The following ZC3H4 variants were observed in gnomAD, a reference collection of about 807,000 sequenced individuals.
ZC3H4 encodes the protein zinc finger CCCH-type containing 4.
Under a neutral mutation model 108.3 loss-of-function variants are expected in ZC3H4, and 13 were observed. That is an observed-to-expected ratio of 0.12 (90% CI 0.08 to 0.19). The LOEUF (loss-of-function observed/expected upper bound fraction) is 0.19, where lower values mean the gene tolerates loss of function less well. Ranked by LOEUF, ZC3H4 falls within the 10% of genes least tolerant of loss-of-function variation. The probability of loss-of-function intolerance (pLI) is 1.00; values close to 1 mark genes in which losing one functional copy is unlikely to be tolerated. For missense variants in ZC3H4, 1,734 were observed against 1,838.8 expected (o/e 0.94, Z 1.04); for synonymous variants, 917 against 749.6 (o/e 1.22, Z -3.65).
Position 47,067,582 on chromosome 19 carries a change from G to A in ZC3H4, c.2686C>T (p.Leu896=), listed in dbSNP as rs749769173. The change falls in exon 15 of 15, where the codon CTG becomes TTG. Residue 896 remains leucine (L), a synonymous_variant. Transcript: ENST00000253048. The surrounding 1 kb of genome is among the most constrained non-coding windows in gnomAD (Gnocchi z 6.4). ...CTGCCTTCGGGCTTGGAGGTGGGCA[G>A]GGCGCGAGCCAGCCGAGGATCGGAG... ...GPSDPRLARA[L]PTSKPEGSLH... 15 of 1,603,944 alleles carry A rather than the reference G, an allele frequency of 9.4e-6. No homozygotes were observed. In the East Asian group the frequency reaches 1.1e-4, roughly 12 times the overall value.
At chr19:47,078,402 T>C (rs1469920640) in intron 11 of ZC3H4, among the ~76,000 whole-genome samples, 2 of 151,418 alleles carry the variant, frequency 1.3e-5, no homozygotes, top group African/African-American at 2.4e-5. Context: ...GAGAATCGCT[T>C]GAACCCAGGA....
chr19:47,097,888 G>T (rs550383749), intron 2 of ZC3H4, among the ~76,000 whole-genome samples: 14 of 152,262 alleles, frequency 9.2e-5, no homozygotes, highest in African/African-American at 3.4e-4. Context: ...GATTGGCAAC[G>T]CCTGACATGG....
At chr19:47,109,307 A>T (rs1233751469) in intron 2 of ZC3H4, among the ~76,000 whole-genome samples, 1 of 152,210 alleles carries the variant, frequency 6.6e-6, no homozygotes, top group African/African-American at 2.4e-5. Context: ...GAGCTTTTTA[A>T]ATGCTTGGGG....
At chr19:47,086,593 A>G (rs1334424245) in intron 5 of ZC3H4, 55 bp from the exon 6 acceptor site, 24 of 1,513,900 alleles carry the variant, frequency 1.6e-5, no homozygotes, top group Non-Finnish European at 1.6e-5. Flanking sequence ...CACCAGCAAG[A>G]AAGAAGACAA....
Position 47,090,007 on chromosome 19 carries a change from G to T in ZC3H4, c.675C>A (p.Asn225Lys). The change falls in exon 5 of 15, where the codon AAC (asparagine) becomes AAA (lysine). Residue 225 changes from asparagine (N) to lysine (K), a missense_variant. By Grantham distance (94) the Asn-to-Lys change is moderately conservative. Around this residue, in one of 9 missense-constraint regions of ZC3H4, gnomAD observed 403 missense variants for 457.0 expected, o/e 0.88. Coordinates refer to ENST00000253048, the MANE Select transcript of ZC3H4 (RefSeq NM_015168.2). Reference sequence around the variant, plus strand: ...TGCCCTCCTTGGCACGCCGGTACTGGTTCAGCTCTTTGGTGAAGTCGTCAT... The same window carrying T: ...TGCCCTCCTTGGCACGCCGGTACTGTTTCAGCTCTTTGGTGAAGTCGTCAT... ...EDYDDFTKEL[N>K]QYRRAKEGSS... The T allele has an allele frequency of 6.2e-7, 1 of 1,614,210 alleles. No individual in the cohort carries two copies. Among genetic ancestry groups the T allele is most frequent in the Non-Finnish European group, 8.5e-7 (1 of 1,180,028 alleles).
At chr19:47,098,748 A>C (rs2057861785) in intron 2 of ZC3H4, among the ~76,000 whole-genome samples, 1 of 152,130 alleles carries the variant, frequency 6.6e-6, no homozygotes, top group Non-Finnish European at 1.5e-5. Flanking sequence ...TGGGTGACAG[A>C]GCTAGAGACT....
In ZC3H4 at chr19:47,067,869, C is replaced by T; in HGVS notation, c.2399G>A (p.Gly800Asp). Residue 800 changes from glycine to aspartate, a missense_variant and splice_region_variant, in exon 15 of 15, where the codon GGT (glycine) becomes GAT (aspartate). Gly to Asp is a moderately conservative substitution (Grantham distance 94, BLOSUM62 -1). Coordinates refer to ENST00000253048, the MANE Select transcript of ZC3H4 (RefSeq NM_015168.2). This position sits in a 1 kb window ranked among gnomAD's most constrained non-coding sequence, Gnocchi z 6.4. ...SSKQDRENEE[G>D]DTGNWYSSDE... ...ACTTGAGTACCAGTTTCCGGTGTCA[C>T]CTGGGAAAGAACAGAGGAGCAGGGA... 2 of 1,586,378 alleles carry T rather than the reference C, an allele frequency of 1.3e-6. No individual in the cohort carries two copies. Among genetic ancestry groups the T allele is most frequent in the Non-Finnish European group, 1.7e-6 (2 of 1,168,558 alleles).
rs2122722895 is a variant in ZC3H4, at chr19:47,072,144, G to A, written c.1803-23C>T. On this transcript the variant is annotated intron_variant, in intron 12 of 14. Coordinates refer to ENST00000253048, the MANE Select transcript of ZC3H4 (RefSeq NM_015168.2). This position sits in a 1 kb window ranked among gnomAD's most constrained non-coding sequence, Gnocchi z 5.6. ...AACCTAGAAGAGGGAAAAGGTGCCT[G>A]TGACGGAAGCTGCCGAGGAGGGCAG... 2.0e-6 allele frequency: 3 copies of A among 1,502,478 alleles called. No individual in the cohort carries two copies. The highest frequency in any genetic ancestry group is 2.4e-5 in the East Asian group (1 of 41,892). The allele number at this position is 1,502,478 out of a possible 1,614,324, so 93.1% of individuals were successfully genotyped here.
In ZC3H4 at chr19:47,066,499, C is replaced by T. The variant is rs535312702; in HGVS notation, c.3769G>A (p.Gly1257Arg). The T allele has an allele frequency of 1.8e-5, 28 of 1,580,130 alleles. No individual in the cohort carries two copies. In the East Asian group the frequency reaches 2.9e-4, roughly 17 times the overall value. Reference protein sequence around the residue: ...VHNLPVPTLFGTVKQTPKTGS... With the variant: ...VHNLPVPTLFRTVKQTPKTGS... Reference sequence around the variant, plus strand: ...GTCTTGGGTGTCTGCTTCACCGTCCCGAAGAGGGTGGGCACGGGCAGGTTG... The same window carrying T: ...GTCTTGGGTGTCTGCTTCACCGTCCTGAAGAGGGTGGGCACGGGCAGGTTG... The change falls in exon 15 of 15, where the codon GGG becomes AGG. Residue 1257 changes from glycine to arginine, a missense_variant. Transcript: ENST00000253048.
At chr19:47,092,591 C>A (rs1202977863) in intron 4 of ZC3H4, among the ~76,000 whole-genome samples, 2 of 151,762 alleles carry the variant, frequency 1.3e-5, no homozygotes, top group African/African-American at 2.4e-5. Context: ...CCAAGGCGGG[C>A]GGGTCACCTG....
In ZC3H4 at chr19:47,076,780, G is replaced by A. The variant is rs1044948638; in HGVS notation, c.1441-4067C>T. 2.6e-5 allele frequency among the ~76,000 whole-genome samples: 4 copies of A among 152,222 alleles called. No homozygotes were observed. In the East Asian group the frequency reaches 7.7e-4, roughly 29 times the overall value. On this transcript the variant is annotated intron_variant, in intron 11 of 14. Transcript: ENST00000253048. ...AAGGCAGAGCCGAGCAGATCACGAG[G>A]TCAGGAGTTCGAGACCAGCCTGATC... is the stretch of plus-strand genomic sequence containing the variant.
chr19:47,110,868 GAA>G, intron 2 of ZC3H4: 1 of 911,792 alleles, frequency 1.1e-6, no homozygotes, highest in Non-Finnish European at 1.3e-6. Flanking sequence ...GAACAAAACA[GAA>G]AAAAAAAATG....
At chr19:47,111,738 C>CG (rs2058041804) in intron 2 of ZC3H4, among the ~76,000 whole-genome samples, 1 of 151,788 alleles carries the variant, frequency 6.6e-6, no homozygotes, top group Non-Finnish European at 1.5e-5. Context: ...AAACACCCCC[C>CG]GCCAAAAAAT....
chr19:47,076,720 C>G (rs929976144), intron 11 of ZC3H4, among the ~76,000 whole-genome samples: 1 of 152,074 alleles, frequency 6.6e-6, no homozygotes, highest in Admixed American at 6.6e-5. Context: ...GCTGGCCGGG[C>G]GCAGTGGCTC....
At chr19:47,095,896 C>A (rs2057812771) in intron 2 of ZC3H4, among the ~76,000 whole-genome samples, 1 of 152,140 alleles carries the variant, frequency 6.6e-6, no homozygotes, top group South Asian at 2.1e-4. Context: ...GAGGAAACAT[C>A]ACGAGCCCAG....
At position 47,112,230 on chromosome 19, in the gene ZC3H4, G is replaced by A. The variant is rs933010812; in HGVS notation, c.161+194C>T. On this transcript the variant is annotated intron_variant, in intron 2 of 14. Transcript: ENST00000253048. ...GCGCCGCGAGGGGGGGGAAACGCAT[G>A]AGGCCGGGAGAGAAAGCAAGCGAGA... 5.1e-6 allele frequency: 6 copies of A among 1,172,878 alleles called. No individual in the cohort carries two copies. In the South Asian group the frequency reaches 1.7e-4, roughly 34 times the overall value. The allele number at this position is 1,172,878 out of a possible 1,614,324, so 72.7% of individuals were successfully genotyped here. A position where few individuals can be genotyped will look rare whatever the true frequency, so the allele number is the denominator to read the frequency against.
chr19:47,099,252 G>C (rs2057869241), intron 2 of ZC3H4, among the ~76,000 whole-genome samples: 1 of 152,074 alleles, frequency 6.6e-6, no homozygotes, highest in South Asian at 2.1e-4. Context: ...CTGAGGTCGG[G>C]AGTTCAAGAC....
At chr19:47,111,094 A>C (rs1177799209) in intron 2 of ZC3H4, 2 of 165,874 alleles carry the variant, frequency 1.2e-5, no homozygotes, top group Admixed American at 6.5e-5. Flanking sequence ...GCTGCGACGG[A>C]GTAGCCATCT....
chr19:47,086,618 C>T (rs758548132), intron 5 of ZC3H4, 80 bp from the exon 6 acceptor site: 16 of 1,483,176 alleles, frequency 1.1e-5, no homozygotes, highest in African/African-American at 1.4e-5. Context: ...CATTTTGCTC[C>T]TGAGGTCAAT....
Sources: allele counts gnomAD v4.1 joint callset (sites outside exome capture counted in the v4.1 genomes callset), GRCh38; gene constraint gnomAD v4.1.1; regional missense constraint gnomAD v4.1.1; non-coding constraint Gnocchi (gnomAD v3.1); transcripts MANE v1.5; gene names NCBI Gene and HGNC (gene_info 2026-07-23, HGNC 2026-07-21).